IMMP2L: variants seen among roughly 807,000 people sequenced by gnomAD.
The protein encoded by IMMP2L is inner mitochondrial membrane peptidase subunit 2.
A neutral mutation model predicts 19.3 loss-of-function variants in IMMP2L; 18 were observed. The ratio of observed to expected loss-of-function variants is 0.93; its 90% CI spans 0.64 to 1.38. IMMP2L has a LOEUF of 1.38. Among genes scored for constraint, IMMP2L ranks in the 40% most tolerant of loss-of-function variants. The pLI, the probability that IMMP2L is intolerant of heterozygous loss-of-function variation, is 0.00. For missense variants in IMMP2L, 233 were observed against 218.2 expected (o/e 1.07, Z -0.43); for synonymous variants, 76 against 73.0 (o/e 1.04, Z -0.21).
At chr7:110,810,208 G>A (rs1274716799) in intron 5 of IMMP2L, among the ~76,000 whole-genome samples, 1 of 152,018 alleles carries the variant, frequency 6.6e-6, no homozygotes, top group African/African-American at 2.4e-5. Flanking sequence ...TACAATGGCT[G>A]CATTTAATTC....
chr7:110,975,249 C>T (rs1820571042), intron 3 of IMMP2L, among the ~76,000 whole-genome samples: 1 of 152,014 alleles, frequency 6.6e-6, no homozygotes. Flanking sequence ...TGGTAAATGA[C>T]CATTTGAATC....
intron 3 of IMMP2L, among the ~76,000 whole-genome samples, chr7:110,972,589 T>C (rs975839316): frequency 6.6e-6 from 1 of 152,014 alleles, no homozygotes; most frequent in Non-Finnish European, 1.5e-5. Flanking sequence ...AAGTTAAGAA[T>C]GGCAAAATTT....
chr7:110,894,513 T>A (rs992396289), intron 4 of IMMP2L, among the ~76,000 whole-genome samples: 3 of 152,232 alleles, frequency 2.0e-5, no homozygotes, highest in African/African-American at 4.8e-5. Context: ...CATTTGCACA[T>A]CTTCTTTGGT....
At chr7:111,034,218 G>A (rs538509998) in intron 3 of IMMP2L, among the ~76,000 whole-genome samples, 1 of 152,184 alleles carries the variant, frequency 6.6e-6, no homozygotes, top group South Asian at 2.1e-4. Context: ...CTTGACACAA[G>A]GTTGTATAAA....
chr7:111,445,847 C>T lies in IMMP2L; in HGVS notation c.239+41391G>A, dbSNP rs10275830. On this transcript the variant is annotated intron_variant, in intron 3 of 5. Transcript: ENST00000405709. ...GACAGTGGGCGCAGGCCAGTGGGTG[C>T]GCGCACCGTGCGTGAGCCGAAGCAG... 5.6e-4 allele frequency among the ~76,000 whole-genome samples: 85 copies of T among 152,198 alleles called. 2 individuals are homozygous for T. The East Asian group carries it at 0.014, about 25-fold the overall frequency.
At chr7:110,867,328 C>T (rs1585078044) in intron 5 of IMMP2L, among the ~76,000 whole-genome samples, 1 of 151,850 alleles carries the variant, frequency 6.6e-6, no homozygotes, top group Non-Finnish European at 1.5e-5. Flanking sequence ...GCTCCACCCT[C>T]ATGACCTCAT....
chr7:111,163,695 T>C (rs1270932969), intron 3 of IMMP2L, among the ~76,000 whole-genome samples: 2 of 152,060 alleles, frequency 1.3e-5, no homozygotes, highest in Non-Finnish European at 2.9e-5. Flanking sequence ...CTATAGGTTT[T>C]GTGTGCAGCG....
intron 3 of IMMP2L, among the ~76,000 whole-genome samples, chr7:111,019,957 C>G (rs113315060): frequency 0.012 from 1,785 of 152,196 alleles, 32 homozygotes; most frequent in African/African-American, 0.04. Flanking sequence ...ATTTCCGGAT[C>G]ACCAGAAGGA....
At position 110,692,991 on chromosome 7, in the gene IMMP2L, G is replaced by A. The variant is rs146120917; in HGVS notation, c.409-29270C>T. Among the ~76,000 whole-genome samples the A allele has an allele frequency of 1.2e-3, 179 of 152,222 alleles. 1 individual carries two copies. In the Middle Eastern group the frequency reaches 0.017, roughly 14 times the overall value. On this transcript the variant is annotated intron_variant, in intron 5 of 5. Coordinates refer to ENST00000405709, the MANE Select transcript of IMMP2L (RefSeq NM_032549.4). ...AGCCATCTGCACATGAATCTCCCAGGGTGCTCCTTTGAATCTTCATTTTAA... is the reference window on the plus strand; with the variant it reads ...AGCCATCTGCACATGAATCTCCCAGAGTGCTCCTTTGAATCTTCATTTTAA...
chr7:111,003,289 T>G (rs530152753), intron 3 of IMMP2L, among the ~76,000 whole-genome samples: 1 of 152,250 alleles, frequency 6.6e-6, no homozygotes, highest in East Asian at 1.9e-4. Flanking sequence ...CATACAATGG[T>G]CAAATAATGT....
At chr7:111,073,272 G>A (rs1795113870) in intron 3 of IMMP2L, among the ~76,000 whole-genome samples, 1 of 152,092 alleles carries the variant, frequency 6.6e-6, no homozygotes, top group Non-Finnish European at 1.5e-5. Flanking sequence ...GTGTGGTGGG[G>A]GAGACAGAGA....
At chr7:111,522,747 T>C (rs1846456136) in intron 1 of IMMP2L, among the ~76,000 whole-genome samples, 1 of 151,894 alleles carries the variant, frequency 6.6e-6, no homozygotes, top group South Asian at 2.1e-4. Flanking sequence ...AAGTTAAAAA[T>C]AGAACTACCA....
chr7:111,500,156 A>G (rs950152800), intron 2 of IMMP2L, among the ~76,000 whole-genome samples: 1 of 152,152 alleles, frequency 6.6e-6, no homozygotes, highest in Non-Finnish European at 1.5e-5. Context: ...CCAGGAGATT[A>G]TATCCCGCAC....
At chr7:110,865,209 C>T (rs572549477) in intron 5 of IMMP2L, among the ~76,000 whole-genome samples, 10 of 152,072 alleles carry the variant, frequency 6.6e-5, no homozygotes, top group Middle Eastern at 3.4e-3. Context: ...TATGCTTATT[C>T]ATTCATTGTT....
At chr7:111,469,712 C>A (rs1841035505) in intron 3 of IMMP2L, among the ~76,000 whole-genome samples, 1 of 152,098 alleles carries the variant, frequency 6.6e-6, no homozygotes, top group South Asian at 2.1e-4. Context: ...ACATCTTATA[C>A]AAAAATTAAT....
At chr7:111,185,329 T>C (rs149443613) in intron 3 of IMMP2L, among the ~76,000 whole-genome samples, 1 of 152,186 alleles carries the variant, frequency 6.6e-6, no homozygotes, top group African/African-American at 2.4e-5. Flanking sequence ...AGACCCTCCA[T>C]GGACACCATT....
At chr7:110,802,306 A>T (rs1279432103) in intron 5 of IMMP2L, among the ~76,000 whole-genome samples, 1 of 144,384 alleles carries the variant, frequency 6.9e-6, no homozygotes, top group African/African-American at 2.6e-5. Flanking sequence ...TCTTTTAAAG[A>T]CAGTGTGTAT....
At chr7:111,052,261 G>C (rs1357262603) in intron 3 of IMMP2L, among the ~76,000 whole-genome samples, 1 of 152,206 alleles carries the variant, frequency 6.6e-6, no homozygotes, top group Non-Finnish European at 1.5e-5. Flanking sequence ...TGACCCAGGA[G>C]AGAGTAACTA....
intron 3 of IMMP2L, among the ~76,000 whole-genome samples, chr7:111,242,851 T>G (rs1394282161): frequency 6.6e-6 from 1 of 152,074 alleles, no homozygotes; most frequent in Non-Finnish European, 1.5e-5. Flanking sequence ...AATTAAGATT[T>G]TGGACTCCGA....
Sources: gnomAD v4.1 joint callset for allele counts (sites outside exome capture counted in the v4.1 genomes callset) on GRCh38, gnomAD v4.1.1 for gene constraint, MANE v1.5 for transcripts, NCBI Gene and HGNC (gene_info 2026-07-23, HGNC 2026-07-21) for gene names.